CTNNA2: variants seen among roughly 807,000 people sequenced by gnomAD.
CTNNA2 encodes the protein catenin alpha-2.
Under a neutral mutation model 101.0 loss-of-function variants are expected in CTNNA2, and 42 were observed. The ratio of observed to expected loss-of-function variants is 0.42; its 90% CI spans 0.32 to 0.54. The LOEUF is 0.54. Among genes scored for constraint, CTNNA2 ranks in the 20% least tolerant of loss-of-function variants. CTNNA2 has a pLI of 0.14. For synonymous variants in CTNNA2, 450 were observed against 456.4 expected (o/e 0.99, Z 0.18); for missense variants, 871 against 1,223.1 (o/e 0.71, Z 4.29).
intron 8 of CTNNA2, among the ~76,000 whole-genome samples, chr2:80,416,109 A>AGTG (rs1680021579): frequency 6.6e-6 from 1 of 152,238 alleles, no homozygotes; most frequent in East Asian, 1.9e-4. Flanking sequence ...TAAGTTATAC[A>AGTG]GTGAATAAGC....
intron 3 of CTNNA2, among the ~76,000 whole-genome samples, chr2:79,757,289 C>T (rs1162241036): frequency 6.6e-6 from 1 of 152,164 alleles, no homozygotes; most frequent in Non-Finnish European, 1.5e-5. Flanking sequence ...ACAAACCTTT[C>T]TGTTGATATG....
chr2:80,202,810 C>T (rs1319455707), intron 7 of CTNNA2, among the ~76,000 whole-genome samples: 1 of 151,960 alleles, frequency 6.6e-6, no homozygotes, highest in Non-Finnish European at 1.5e-5. Flanking sequence ...TTTAAAGCCT[C>T]TCCTTAAAGC....
intron 2 of CTNNA2, among the ~76,000 whole-genome samples, chr2:79,227,482 T>A (rs1157580426): frequency 1.3e-5 from 2 of 152,034 alleles, no homozygotes; most frequent in East Asian, 3.9e-4. Flanking sequence ...GCCCTCTGGA[T>A]GAAAAATAAA....
intron 1 of CTNNA2, among the ~76,000 whole-genome samples, chr2:79,635,207 T>C (rs1209175956): frequency 1.3e-5 from 2 of 151,794 alleles, no homozygotes; most frequent in Non-Finnish European, 2.9e-5. Flanking sequence ...TTGTAGGAGG[T>C]AAGAGAAAGG....
intron 9 of CTNNA2, among the ~76,000 whole-genome samples, chr2:80,533,273 G>T (rs981211429): frequency 6.6e-6 from 1 of 152,168 alleles, no homozygotes; most frequent in Non-Finnish European, 1.5e-5. Flanking sequence ...TCAGCAACAC[G>T]TGGATTTTGA....
chr2:80,647,428 G>T (rs1053579029), intron 18 of CTNNA2, among the ~76,000 whole-genome samples, 157 bp from the exon 19 acceptor site: 4 of 152,046 alleles, frequency 2.6e-5, no homozygotes, highest in African/African-American at 9.7e-5. Context: ...GCTGTATTGA[G>T]ATTTTAAAAA....
chr2:79,798,305 A>G (rs535619401), intron 3 of CTNNA2, among the ~76,000 whole-genome samples: 94 of 152,264 alleles, frequency 6.2e-4, no homozygotes, highest in African/African-American at 2.2e-3. Context: ...TGTTTGTTTC[A>G]TCACTATACT....
intron 1 of CTNNA2, among the ~76,000 whole-genome samples, chr2:79,531,916 G>A (rs1166010118): frequency 1.3e-5 from 2 of 151,972 alleles, no homozygotes; most frequent in African/African-American, 2.4e-5. Context: ...TCCTGACCTC[G>A]TGATCTGCCC....
chr2:80,361,003 G>A (rs528145011), intron 7 of CTNNA2, among the ~76,000 whole-genome samples: 1 of 151,778 alleles, frequency 6.6e-6, no homozygotes, highest in South Asian at 2.1e-4. Flanking sequence ...TTTACCCTGG[G>A]AATGGATGGT....
intron 4 of CTNNA2, among the ~76,000 whole-genome samples, chr2:79,864,643 A>G (rs1318085879): frequency 6.6e-6 from 1 of 152,196 alleles, no homozygotes; most frequent in Non-Finnish European, 1.5e-5. Context: ...ATTGTGAAAA[A>G]GAGGTAGATT....
chr2:79,869,790 A>C (rs773535915), intron 4 of CTNNA2, 26 bp from the exon 5 acceptor site: 1 of 1,603,732 alleles, frequency 6.2e-7, no homozygotes, highest in Non-Finnish European at 8.5e-7. Context: ...ATCCACTAAT[A>C]AATATGTTGT....
chr2:80,382,594 G>A (rs1387193860), intron 7 of CTNNA2, among the ~76,000 whole-genome samples: 4 of 152,204 alleles, frequency 2.6e-5, no homozygotes, highest in Admixed American at 2.6e-4. Flanking sequence ...GGGCAGGGAA[G>A]GGGTGATGGA....
At chr2:80,089,408 T>C (rs1280893631) in intron 7 of CTNNA2, among the ~76,000 whole-genome samples, 4 of 151,962 alleles carry the variant, frequency 2.6e-5, no homozygotes, top group Non-Finnish European at 4.4e-5. Context: ...CGGTTTCTTC[T>C]TTAGTGCCCT....
intron 7 of CTNNA2, among the ~76,000 whole-genome samples, chr2:80,346,212 A>G (rs1672721552): frequency 2.0e-5 from 3 of 152,174 alleles, no homozygotes; most frequent in African/African-American, 7.2e-5. Context: ...AACACCTGTG[A>G]CTGTGTAATT....
chr2:79,466,557 T>C (rs564317744), intron 4 of CTNNA2, among the ~76,000 whole-genome samples: 1 of 152,176 alleles, frequency 6.6e-6, no homozygotes, highest in East Asian at 1.9e-4. Context: ...AAGTTTGAGA[T>C]CTGAGAACGG....
intron 9 of CTNNA2, among the ~76,000 whole-genome samples, chr2:80,447,123 G>A (rs1272092579): frequency 1.3e-5 from 2 of 152,148 alleles, no homozygotes; most frequent in African/African-American, 4.8e-5. Flanking sequence ...TTATCACTGT[G>A]CTTGGTGTCA....
intron 7 of CTNNA2, among the ~76,000 whole-genome samples, chr2:80,153,854 C>T (rs949172522): frequency 3.9e-5 from 6 of 152,160 alleles, no homozygotes; most frequent in Non-Finnish European, 7.3e-5. Context: ...TTATTACATT[C>T]AAATTACATG....
intron 9 of CTNNA2, among the ~76,000 whole-genome samples, chr2:80,438,421 G>GT (rs56189020): frequency 0.21 from 31,104 of 151,214 alleles, 4,409 homozygotes; most frequent in African/African-American, 0.4. Context: ...TTGTTTGTTA[G>GT]TTTTTTTGTT....
At chr2:80,647,512 G>T in intron 18 of CTNNA2, 73 bp from the exon 19 acceptor site, 2 of 1,234,644 alleles carry the variant, frequency 1.6e-6, no homozygotes, top group Non-Finnish European at 2.3e-6. Flanking sequence ...TTTTAACCGT[G>T]AAAGTACATC....
Sources: gnomAD v4.1 joint callset for allele counts (sites outside exome capture counted in the v4.1 genomes callset) on GRCh38, gnomAD v4.1.1 for gene constraint, MANE v1.5 for transcripts, NCBI Gene and HGNC (gene_info 2026-07-23, HGNC 2026-07-21) for gene names.